Variants in CCNI observed in about 807,000 individuals in gnomAD.
CCNI encodes the protein cyclin-I.
Under a neutral mutation model 34.1 loss-of-function variants are expected in CCNI, and 14 were observed. The observed-to-expected ratio is 0.41, with a 90% CI of 0.27 to 0.64. The LOEUF (loss-of-function observed/expected upper bound fraction) is 0.64, where lower values mean the gene tolerates loss of function less well. Among genes scored for constraint, CCNI ranks in the 30% least tolerant of loss-of-function variants. CCNI has a pLI of 0.31. For missense variants in CCNI, 385 were observed against 440.5 expected (o/e 0.87, Z 1.13); for synonymous variants, 154 against 158.4 (o/e 0.97, Z 0.21).
intron 3 of CCNI, among the ~76,000 whole-genome samples, chr4:77,057,879 C>T (rs935913818): frequency 1.3e-5 from 2 of 152,168 alleles, no homozygotes; most frequent in African/African-American, 4.8e-5. Flanking sequence ...AGTCTGATTC[C>T]TTGTCCACCT....
At chr4:77,063,343 G>GTA (rs1728751075) in intron 2 of CCNI, among the ~76,000 whole-genome samples, 3 of 74,098 alleles carry the variant, frequency 4.0e-5, no homozygotes, top group African/African-American at 1.0e-4. Context: ...GGAAAGGGAG[G>GTA]TAAAAAAAAA....
chr4:77,061,211 T>C (rs1238604163), intron 2 of CCNI, among the ~76,000 whole-genome samples: 2 of 152,136 alleles, frequency 1.3e-5, no homozygotes, highest in Admixed American at 6.5e-5. Flanking sequence ...TAATACTGAG[T>C]CTAAGGTCAC....
At chr4:77,049,410 G>A (rs1271647261) in intron 6 of CCNI, among the ~76,000 whole-genome samples, 1 of 152,152 alleles carries the variant, frequency 6.6e-6, no homozygotes, top group Non-Finnish European at 1.5e-5. Flanking sequence ...AGGCGTGGTG[G>A]CTCATGCCTG....
Position 77,074,174 on chromosome 4 carries a change from T to A in CCNI, c.-44+1298A>T, listed in dbSNP as rs145348949. Among the ~76,000 whole-genome samples the A allele has an allele frequency of 1.8e-3, 268 of 152,298 alleles. 1 individual carries two copies. Among genetic ancestry groups the A allele is most frequent in the Non-Finnish European group, 2.4e-3 (160 of 68,016 alleles). On this transcript the variant is annotated intron_variant, in intron 1 of 6. Coordinates refer to ENST00000237654, the MANE Select transcript of CCNI (RefSeq NM_006835.3). Reference sequence around the variant, plus strand: ...GACCAACACACATGCTAAGCTCCATTCTAACCTACTAGGATGTCACATTAC... The same window carrying A: ...GACCAACACACATGCTAAGCTCCATACTAACCTACTAGGATGTCACATTAC...
rs902409835 is a variant in CCNI, at chr4:77,047,397, C to T, written c.*822G>A. On this transcript the variant is annotated 3_prime_UTR_variant, in exon 7 of 7. Coordinates refer to ENST00000237654, the MANE Select transcript of CCNI (RefSeq NM_006835.3). ...TCATAGAGCTGCCCCAACATCTAGACAGTCTCTCCTACTGATTATAAATGA... is the reference window on the plus strand; with the variant it reads ...TCATAGAGCTGCCCCAACATCTAGATAGTCTCTCCTACTGATTATAAATGA... The T allele has an allele frequency of 1.3e-5, 2 of 152,202 alleles. No homozygotes were observed. The highest frequency in any genetic ancestry group is 6.5e-5 in the Admixed American group (1 of 15,278). The allele number at this position is 152,202 out of a possible 1,614,324, so 9.4% of individuals were successfully genotyped here. A position where few individuals can be genotyped will look rare whatever the true frequency, so the allele number is the denominator to read the frequency against.
chr4:77,048,957 C>T (rs1578229339), intron 6 of CCNI, among the ~76,000 whole-genome samples: 1 of 122,770 alleles, frequency 8.1e-6, no homozygotes, highest in South Asian at 2.6e-4. Flanking sequence ...TTGTATCCAA[C>T]GTCTGTTTTT....
At chr4:77,071,700 A>G (rs1043807046) in intron 1 of CCNI, among the ~76,000 whole-genome samples, 2 of 152,212 alleles carry the variant, frequency 1.3e-5, no homozygotes, top group East Asian at 3.8e-4. Flanking sequence ...AAAGAATTAT[A>G]AAGGAATTTA....
chr4:77,066,466 C>T lies in CCNI; in HGVS notation c.-43-61G>A, dbSNP rs911519964. On this transcript the variant is annotated intron_variant, in intron 1 of 6. Transcript: ENST00000237654. ...AATAAGTGTAGCATTATATAAAGTA[C>T]TAATTAAGCAACTCATAAAACAAAA... 3.2e-6 allele frequency: 4 copies of T among 1,268,112 alleles called. No homozygotes were observed. In the African/African-American group the frequency reaches 6.1e-5, roughly 19 times the overall value. 78.6% of individuals were successfully genotyped at this position (1,268,112 alleles called of 1,614,324 possible). A position where few individuals can be genotyped will look rare whatever the true frequency, so the allele number is the denominator to read the frequency against.
At chr4:77,062,199 A>G (rs1728659586) in intron 2 of CCNI, among the ~76,000 whole-genome samples, 1 of 152,190 alleles carries the variant, frequency 6.6e-6, no homozygotes, top group Admixed American at 6.5e-5. Context: ...ACTTTTCCTG[A>G]TAATTCAAGT....
At chr4:77,056,497 G>C (rs781383785) in intron 3 of CCNI, 174 bp from the exon 4 acceptor site, 2 of 552,090 alleles carry the variant, frequency 3.6e-6, no homozygotes, top group East Asian at 3.0e-5. Flanking sequence ...CTAACTTTAA[G>C]AACAGGAAAG....
rs775211605 is a variant in CCNI at position 77,056,131 on chromosome 4, G to C, written c.319-29C>G. Reference sequence around the variant, plus strand: ...TCCAAAGCAAAGGGGAACAGGGACAGGGAGAAAAGGACAGAAAAGAAACTC... The same window carrying C: ...TCCAAAGCAAAGGGGAACAGGGACACGGAGAAAAGGACAGAAAAGAAACTC... On this transcript the variant is annotated intron_variant, in intron 4 of 6. Transcript: ENST00000237654. The C allele has an allele frequency of 1.8e-5, 29 of 1,608,676 alleles. No homozygotes were observed. In the South Asian group the frequency reaches 3.0e-4, roughly 17 times the overall value.
intron 1 of CCNI, chr4:77,075,067 ATCC>A (rs1173677986): frequency 2.7e-5 from 4 of 150,478 alleles, no homozygotes; most frequent in Non-Finnish European, 5.9e-5. Context: ...AAAGTTAGTA[ATCC>A]TCCTGGTGTC....
intron 1 of CCNI, among the ~76,000 whole-genome samples, chr4:77,073,816 T>C (rs908021564): frequency 2.0e-5 from 3 of 152,206 alleles, no homozygotes; most frequent in African/African-American, 7.2e-5. Context: ...TTGCCTTTCC[T>C]AATAATGAAT....
intron 1 of CCNI, among the ~76,000 whole-genome samples, chr4:77,069,831 C>A (rs550703882): frequency 6.6e-6 from 1 of 152,040 alleles, no homozygotes; most frequent in South Asian, 2.1e-4. Flanking sequence ...TTGATACATC[C>A]TTGTTCACAA....
At position 77,075,945 on chromosome 4, in the gene CCNI, CAG is replaced by C. The variant is rs1448193398; in HGVS notation, c.-519_-518del. ...GGGGGAAAAATAAGAAAAAGCGAGACAGAGGCGCTGCCGCGTCCGCTCGCGGG... is the reference window on the plus strand; with the variant it reads ...GGGGGAAAAATAAGAAAAAGCGAGACAGGCGCTGCCGCGTCCGCTCGCGGG... On this transcript the variant is annotated 5_prime_UTR_variant, in exon 1 of 7. Coordinates refer to ENST00000237654, the MANE Select transcript of CCNI (RefSeq NM_006835.3). 1 of 150,384 alleles carries C rather than the reference CAG, an allele frequency of 6.6e-6. No homozygotes were observed. 9.3% of individuals were successfully genotyped at this position (150,384 alleles called of 1,614,324 possible).
chr4:77,055,464 C>CTTTT (rs11378505), intron 5 of CCNI, 84 bp from the exon 6 acceptor site: 534 of 673,154 alleles, frequency 7.9e-4, no homozygotes, highest in East Asian at 2.5e-3. Context: ...TATTCAATTT[C>CTTTT]TTTTTTTTTT....
At chr4:77,058,447 C>G in intron 3 of CCNI, 60 bp downstream of exon 3, 1 of 1,359,176 alleles carries the variant, frequency 7.4e-7, no homozygotes, top group Admixed American at 2.1e-5. Flanking sequence ...CTAATAGCCT[C>G]TAGTTTAGCA....
rs4252819 is a variant in CCNI at position 77,068,638 on chromosome 4, A to G, written c.-43-2233T>C. Among the ~76,000 whole-genome samples, 285 of 152,316 alleles carry G rather than the reference A, an allele frequency of 1.9e-3. 3 individuals are homozygous for G. Among genetic ancestry groups the G allele is most frequent in the South Asian group, 0.012 (58 of 4,828 alleles). ...TTTCACTAACAATTTGACTTTCTCA[A>G]CTATGTACCTGTAAACTATGTATCT... is the stretch of plus-strand genomic sequence containing the variant. On this transcript the variant is annotated intron_variant, in intron 1 of 6. Transcript: ENST00000237654.
chr4:77,068,658 GTA>G (rs1226520412), intron 1 of CCNI, among the ~76,000 whole-genome samples: 1 of 151,974 alleles, frequency 6.6e-6, no homozygotes. Context: ...TGTAAACTAT[GTA>G]TCTGTATTAC....
Sources: allele counts gnomAD v4.1 joint callset (sites outside exome capture counted in the v4.1 genomes callset), GRCh38; gene constraint gnomAD v4.1.1; transcripts MANE v1.5; gene names NCBI Gene and HGNC (gene_info 2026-07-23, HGNC 2026-07-21).